Variants in GPR158 observed in about 807,000 individuals in gnomAD.
The protein encoded by GPR158 is G protein-coupled receptor 158, also known as metabotropic glycine receptor.
Under a neutral mutation model 78.2 loss-of-function variants are expected in GPR158, and 30 were observed. The observed-to-expected ratio is 0.38, with a 90% CI of 0.29 to 0.52. GPR158 has a LOEUF of 0.52. Among genes scored for constraint, GPR158 ranks in the 20% least tolerant of loss-of-function variants. The pLI, the probability that GPR158 is intolerant of heterozygous loss-of-function variation, is 0.83. For missense variants in GPR158, 1,463 were observed against 1,523.5 expected (o/e 0.96, Z 0.66); for synonymous variants, 581 against 591.1 (o/e 0.98, Z 0.25).
intron 1 of GPR158, among the ~76,000 whole-genome samples, chr10:25,199,633 A>G (rs1852892788): frequency 1.3e-5 from 2 of 152,042 alleles, no homozygotes; most frequent in South Asian, 4.1e-4. Context: ...GATAGTGAGT[A>G]AGTTCTCATG....
At chr10:25,317,923 T>C (rs951003331) in intron 2 of GPR158, among the ~76,000 whole-genome samples, 1 of 152,218 alleles carries the variant, frequency 6.6e-6, no homozygotes, top group East Asian at 1.9e-4. Flanking sequence ...GGGACAGGGT[T>C]TCACCATTTT....
At position 25,405,498 on chromosome 10, in the gene GPR158, C is replaced by CTTTTTTTTTTTT. The variant is rs59695469; in HGVS notation, c.1112-6733_1112-6722dup. Among the ~76,000 whole-genome samples, 4 of 45,522 alleles carry CTTTTTTTTTTTT rather than the reference C, an allele frequency of 8.8e-5. 1 individual carries two copies. Among genetic ancestry groups the CTTTTTTTTTTTT allele is most frequent in the Admixed American group, 6.5e-4 (2 of 3,100 alleles). 29.9% of individuals were successfully genotyped at this position (45,522 alleles called of 152,430 possible). On this transcript the variant is annotated intron_variant, in intron 3 of 10. Coordinates refer to ENST00000376351, the MANE Select transcript of GPR158 (RefSeq NM_020752.3). ...AAAATCTGACAAGAGAAACAATTTC[C>CTTTTTTTTTTTT]TTTTTTTTTTTTTTTTTTTTTTTTT...
chr10:25,478,493 C>CTTGTGTGTGTGTGT (rs1051229392), intron 5 of GPR158, among the ~76,000 whole-genome samples: 27 of 145,190 alleles, frequency 1.9e-4, no homozygotes, highest in African/African-American at 6.7e-4. Context: ...ATATATAATG[C>CTTGTGTGTGTGTGT]GTGTGTGTGT....
Position 25,599,164 on chromosome 10 carries a change from G to C in GPR158, c.3538G>C (p.Ala1180Pro), listed in dbSNP as rs138571905. The change falls in exon 11 of 11, where the codon GCT becomes CCT. Residue 1180 changes from alanine to proline, a missense_variant. Coordinates refer to ENST00000376351, the MANE Select transcript of GPR158 (RefSeq NM_020752.3). ...EVCPWEFETP[A>P]QPNAGRSVAL... Reference sequence around the variant, plus strand: ...TTGTCCTTGGGAGTTTGAGACCCCAGCTCAACCAAATGCTGGAAGAAGTGT... The same window carrying C: ...TTGTCCTTGGGAGTTTGAGACCCCACCTCAACCAAATGCTGGAAGAAGTGT... 4.3e-5 allele frequency: 70 copies of C among 1,611,034 alleles called. No homozygotes were observed. In the African/African-American group the frequency reaches 7.6e-4, roughly 17 times the overall value.
Position 25,598,972 on chromosome 10 carries a change from C to A in GPR158, c.3346C>A (p.Gln1116Lys). ...QPRAANVCAG[Q>K]SEELPPKAVA... Reference sequence around the variant, plus strand: ...TCGTGCAGCCAATGTGTGTGCTGGGCAGAGCGAAGAACTGCCCCCCAAAGC... The same window carrying A: ...TCGTGCAGCCAATGTGTGTGCTGGGAAGAGCGAAGAACTGCCCCCCAAAGC... The change falls in exon 11 of 11, where the codon CAG becomes AAG. Residue 1116 changes from glutamine (Q) to lysine (K), a missense_variant. Transcript: ENST00000376351. 4 of 1,613,566 alleles carry A rather than the reference C, an allele frequency of 2.5e-6. No homozygotes were observed. The highest frequency in any genetic ancestry group is 3.4e-6 in the Non-Finnish European group (4 of 1,179,848).
chr10:25,422,723 A>C (rs549973589), intron 4 of GPR158, among the ~76,000 whole-genome samples: 21 of 150,728 alleles, frequency 1.4e-4, no homozygotes, highest in African/African-American at 5.1e-4. Context: ...TTATTTCAGT[A>C]GGTTTTTGGG....
At chr10:25,530,523 C>A (rs2130692788) in intron 5 of GPR158, among the ~76,000 whole-genome samples, 1 of 152,332 alleles carries the variant, frequency 6.6e-6, no homozygotes, top group Middle Eastern at 3.4e-3. Flanking sequence ...CCCCACCTCC[C>A]CGCAGAAGGT....
intron 1 of GPR158, among the ~76,000 whole-genome samples, chr10:25,209,107 C>T (rs1241795877): frequency 6.6e-6 from 1 of 152,154 alleles, no homozygotes; most frequent in Non-Finnish European, 1.5e-5. Context: ...CCCACCTCAG[C>T]CTCCCAAAGT....
chr10:25,197,205 A>G (rs1469003045), intron 1 of GPR158, among the ~76,000 whole-genome samples: 1 of 152,214 alleles, frequency 6.6e-6, no homozygotes, highest in African/African-American at 2.4e-5. Flanking sequence ...TATACTTAGG[A>G]TATGAATATC....
At chr10:25,577,129 A>G (rs1837111947) in intron 7 of GPR158, among the ~76,000 whole-genome samples, 1 of 152,208 alleles carries the variant, frequency 6.6e-6, no homozygotes, top group African/African-American at 2.4e-5. Context: ...CAGCATCAAT[A>G]TTTAACCTCT....
intron 2 of GPR158, among the ~76,000 whole-genome samples, chr10:25,326,881 C>T (rs1855042287): frequency 6.6e-6 from 1 of 152,136 alleles, no homozygotes; most frequent in African/African-American, 2.4e-5. Flanking sequence ...GATTATTTGA[C>T]TTATGGCTTT....
chr10:25,185,266 A>G (rs1852666332), intron 1 of GPR158, among the ~76,000 whole-genome samples: 1 of 152,210 alleles, frequency 6.6e-6, no homozygotes. Flanking sequence ...GCATATATTT[A>G]TGCTCATATA....
At chr10:25,253,918 A>G (rs756562201) in intron 2 of GPR158, among the ~76,000 whole-genome samples, 5 of 152,230 alleles carry the variant, frequency 3.3e-5, no homozygotes, top group African/African-American at 4.8e-5. Context: ...ATAAAATTGT[A>G]GGAACCATAG....
chr10:25,324,425 T>G (rs905938854), intron 2 of GPR158, among the ~76,000 whole-genome samples: 11 of 152,154 alleles, frequency 7.2e-5, no homozygotes, highest in African/African-American at 2.7e-4. Context: ...AACAGCTGGT[T>G]TGTGGAGCAG....
At chr10:25,182,617 T>A (rs911678392) in intron 1 of GPR158, among the ~76,000 whole-genome samples, 2 of 152,194 alleles carry the variant, frequency 1.3e-5, no homozygotes, top group African/African-American at 4.8e-5. Flanking sequence ...CAGCCTCAAC[T>A]TCTGGATAAG....
intron 1 of GPR158, among the ~76,000 whole-genome samples, chr10:25,209,266 C>T (rs1008226847): frequency 2.0e-5 from 3 of 152,186 alleles, no homozygotes; most frequent in African/African-American, 7.2e-5. Flanking sequence ...CTATGTACCA[C>T]TCTATCTCTT....
rs1253213468 is a variant in GPR158, at chr10:25,581,118, C to T, written c.1754-7889C>T. 6.6e-5 allele frequency among the ~76,000 whole-genome samples: 10 copies of T among 151,274 alleles called. No individual in the cohort carries two copies. The East Asian group carries it at 9.7e-4, about 15-fold the overall frequency. On this transcript the variant is annotated intron_variant, in intron 7 of 10. Coordinates refer to ENST00000376351, the MANE Select transcript of GPR158 (RefSeq NM_020752.3). ...TTTTTTTTTGTATTTTTAGTAGAGA[C>T]GGGGTTTCACCTTGTTAGCCAGGAT...
chr10:25,244,973 A>G (rs1853670400), intron 2 of GPR158: 1 of 152,000 alleles, frequency 6.6e-6, no homozygotes, highest in South Asian at 2.1e-4. Context: ...ACTTGGTTGG[A>G]TTAATGCTAC....
At chr10:25,208,511 A>G (rs1327927790) in intron 1 of GPR158, among the ~76,000 whole-genome samples, 1 of 151,276 alleles carries the variant, frequency 6.6e-6, no homozygotes, top group Non-Finnish European at 1.5e-5. Context: ...CCATCTCATC[A>G]CCAGAACCAC....
Sources: gnomAD v4.1 joint callset for allele counts (sites outside exome capture counted in the v4.1 genomes callset) on GRCh38, gnomAD v4.1.1 for gene constraint, MANE v1.5 for transcripts, NCBI Gene and HGNC (gene_info 2026-07-23, HGNC 2026-07-21) for gene names.